The following ARHGEF28 variants were observed in gnomAD, a reference collection of about 807,000 sequenced individuals.
ARHGEF28 encodes the protein 190 kDa guanine nucleotide exchange factor.
ARHGEF28 carries 152 observed loss-of-function variants against 206.6 expected under a neutral mutation model. The ratio of observed to expected loss-of-function variants is 0.74; its 90% CI spans 0.64 to 0.84. The LOEUF is 0.84. ARHGEF28 is among the 40% of genes least tolerant of loss of function. The probability of loss-of-function intolerance (pLI) is 0.00; values close to 1 mark genes in which losing one functional copy is unlikely to be tolerated. For synonymous variants in ARHGEF28, 763 were observed against 776.4 expected, an observed-to-expected ratio of 0.98 and a Z score of 0.29; for missense variants, 2,028 against 2,073.2, an observed-to-expected ratio of 0.98 and a Z score of 0.42.
chr5:73,743,910 G>T (rs1319150447), intron 2 of ARHGEF28, among the ~76,000 whole-genome samples: 1 of 152,176 alleles, frequency 6.6e-6, no homozygotes, highest in Non-Finnish European at 1.5e-5. Context: ...TCGTGCATTT[G>T]CTGTTTGTTC....
intron 13 of ARHGEF28, among the ~76,000 whole-genome samples, chr5:73,849,389 A>T (rs1383800651): frequency 1.3e-5 from 2 of 152,100 alleles, no homozygotes; most frequent in Non-Finnish European, 2.9e-5. Context: ...TTATATTATT[A>T]TGAGGGCCTT....
At chr5:73,899,720 A>T (rs1762158555) in intron 30 of ARHGEF28, 1 of 152,212 alleles carries the variant, frequency 6.6e-6, no homozygotes, top group African/African-American at 2.4e-5. Context: ...CATCAGGCTT[A>T]TGTCAGCCTG....
intron 2 of ARHGEF28, among the ~76,000 whole-genome samples, chr5:73,710,386 C>T (rs1016646039): frequency 6.6e-6 from 1 of 152,046 alleles, no homozygotes. Flanking sequence ...TATTTTACTC[C>T]CTCTCCTTTT....
chr5:73,795,441 G>A (rs756268840), intron 9 of ARHGEF28, 50 bp downstream of exon 9: 3 of 1,480,660 alleles, frequency 2.0e-6, no homozygotes, highest in Admixed American at 1.8e-5. Flanking sequence ...CCAGATCCAG[G>A]TTTAGAGTGG....
intron 1 of ARHGEF28, among the ~76,000 whole-genome samples, chr5:73,668,909 C>T (rs1422421403): frequency 2.0e-5 from 3 of 152,156 alleles, no homozygotes; most frequent in Non-Finnish European, 2.9e-5. Flanking sequence ...GTTATTGCCC[C>T]ACTTCAAACG....
At chr5:73,903,542 G>A (rs1762386706) in intron 31 of ARHGEF28, 1 of 152,478 alleles carries the variant, frequency 6.6e-6, no homozygotes. Flanking sequence ...AATGTGTGCT[G>A]TGGAAGAGAC....
intron 1 of ARHGEF28, among the ~76,000 whole-genome samples, chr5:73,670,197 G>A (rs73762152): frequency 0.042 from 6,401 of 152,070 alleles, 452 homozygotes; most frequent in African/African-American, 0.15. Context: ...ACTGTCTTCC[G>A]TATCTATAAA....
At chr5:73,746,863 C>T (rs1461537916) in intron 2 of ARHGEF28, among the ~76,000 whole-genome samples, 1 of 152,042 alleles carries the variant, frequency 6.6e-6, no homozygotes, top group Non-Finnish European at 1.5e-5. Context: ...GTATGTTTTG[C>T]TTTGTGGTAG....
At chr5:73,727,585 C>G (rs975811752) in intron 2 of ARHGEF28, among the ~76,000 whole-genome samples, 1 of 152,202 alleles carries the variant, frequency 6.6e-6, no homozygotes, top group Non-Finnish European at 1.5e-5. Context: ...GGCCTAAAAT[C>G]TGCCTCTGGT....
intron 2 of ARHGEF28, among the ~76,000 whole-genome samples, chr5:73,709,733 T>G (rs1749136043): frequency 6.6e-6 from 1 of 152,164 alleles, no homozygotes; most frequent in Non-Finnish European, 1.5e-5. Context: ...GTTTGTCAGT[T>G]TGCCAACAAC....
chr5:73,776,749 G>A, intron 6 of ARHGEF28, 53 bp downstream of exon 6: 2 of 1,475,392 alleles, frequency 1.4e-6, no homozygotes, highest in African/African-American at 1.4e-5. Flanking sequence ...GAGAATGCAG[G>A]CATCAATTTC....
At position 73,640,043 on chromosome 5, in the gene ARHGEF28, A is replaced by G. The variant is rs569528382; in HGVS notation, c.-12+13721A>G. ...GATGCACATACGGGAAATAGCTAGCATTCTTGAAAATGACAGGTATGGGAC... is the reference window on the plus strand; with the variant it reads ...GATGCACATACGGGAAATAGCTAGCGTTCTTGAAAATGACAGGTATGGGAC... On this transcript the variant is annotated intron_variant, in intron 1 of 35. Transcript: ENST00000513042. 6.6e-5 allele frequency among the ~76,000 whole-genome samples: 10 copies of G among 152,344 alleles called. 1 individual carries two copies. In the South Asian group the frequency reaches 1.9e-3, roughly 28 times the overall value.
At chr5:73,801,212 C>T (rs1467097912) in intron 9 of ARHGEF28, among the ~76,000 whole-genome samples, 10 of 152,026 alleles carry the variant, frequency 6.6e-5, no homozygotes, top group South Asian at 4.1e-4. Context: ...TTTGGGAGGC[C>T]GAGGCAGGCG....
intron 26 of ARHGEF28, 65 bp from the exon 27 acceptor site, chr5:73,891,987 T>C: frequency 2.8e-6 from 4 of 1,448,066 alleles, no homozygotes; most frequent in Non-Finnish European, 3.7e-6. Flanking sequence ...CTTTAGCTCA[T>C]GTTTTACGGA....
chr5:73,832,718 G>C (rs1212964811), intron 10 of ARHGEF28, among the ~76,000 whole-genome samples: 2 of 152,142 alleles, frequency 1.3e-5, no homozygotes, highest in Non-Finnish European at 2.9e-5. Flanking sequence ...AAGAGTGTGA[G>C]AGCTCTTCTT....
At chr5:73,779,128 G>A (rs1002838072) in intron 6 of ARHGEF28, among the ~76,000 whole-genome samples, 1 of 152,120 alleles carries the variant, frequency 6.6e-6, no homozygotes, top group Admixed American at 6.5e-5. Context: ...AGTTGTAAAG[G>A]GTTCATACTT....
intron 35 of ARHGEF28, among the ~76,000 whole-genome samples, chr5:73,927,258 T>C (rs1268478416): frequency 1.3e-5 from 2 of 151,574 alleles, no homozygotes; most frequent in African/African-American, 4.8e-5. Context: ...GCACCTATAG[T>C]CTTAGCTACT....
rs549252692 is a variant in ARHGEF28, at chr5:73,851,188, A to G, written c.1748-1462A>G. The stretch of plus-strand genomic sequence containing the variant: ...AAAGTAAATTGAGGTTTGTGTTGCC[A>G]TAAATCCTTTCTTGATGAGTTTTGA... On this transcript the variant is annotated intron_variant, in intron 13 of 35. Coordinates refer to ENST00000513042, the MANE Select transcript of ARHGEF28 (RefSeq NM_001177693.2). Among the ~76,000 whole-genome samples, 17 of 152,348 alleles carry G rather than the reference A, an allele frequency of 1.1e-4. No homozygotes were observed. In the South Asian group the frequency reaches 3.3e-3, roughly 30 times the overall value.
chr5:73,700,292 C>T (rs10515160), intron 2 of ARHGEF28, among the ~76,000 whole-genome samples: 1 of 152,100 alleles, frequency 6.6e-6, no homozygotes, highest in Admixed American at 6.5e-5. Context: ...ATTGACGGAA[C>T]ACTTCTAGAA....
Sources: allele counts gnomAD v4.1 joint callset (sites outside exome capture counted in the v4.1 genomes callset), GRCh38; gene constraint gnomAD v4.1.1; transcripts MANE v1.5; gene names NCBI Gene and HGNC (gene_info 2026-07-23, HGNC 2026-07-21).